KDM3A: variants seen among roughly 807,000 people sequenced by gnomAD.
KDM3A encodes the protein lysine-specific demethylase 3A.
KDM3A carries 60 observed loss-of-function variants against 158.0 expected under a neutral mutation model. The ratio of observed to expected loss-of-function variants is 0.38; its 90% CI spans 0.31 to 0.47. The LOEUF (loss-of-function observed/expected upper bound fraction) is 0.47, where lower values mean the gene tolerates loss of function less well. KDM3A is among the 20% of genes least tolerant of loss of function. The pLI, the probability that KDM3A is intolerant of heterozygous loss-of-function variation, is 0.99. For missense variants in KDM3A, 1,319 were observed against 1,574.3 expected (o/e 0.84, Z 2.74); for synonymous variants, 608 against 549.3 (o/e 1.11, Z -1.49).
intron 8 of KDM3A, among the ~76,000 whole-genome samples, chr2:86,457,536 AT>A (rs1672758534): frequency 1.3e-5 from 2 of 152,184 alleles, no homozygotes; most frequent in African/African-American, 4.8e-5. Context: ...TGGAGATAAT[AT>A]AAGTTTATGG....
At chr2:86,445,611 C>T (rs1682926665) in intron 2 of KDM3A, among the ~76,000 whole-genome samples, 1 of 152,136 alleles carries the variant, frequency 6.6e-6, no homozygotes, top group Non-Finnish European at 1.5e-5. Flanking sequence ...GGCAATTAGT[C>T]CTTGCCATCT....
intron 18 of KDM3A, chr2:86,483,769 C>T (rs1282029201): frequency 7.2e-6 from 3 of 417,780 alleles, no homozygotes; most frequent in East Asian, 8.3e-5. Context: ...AGATGCTTAC[C>T]CATGTAGTTT....
intron 18 of KDM3A, chr2:86,483,116 G>A (rs772751783): frequency 9.7e-5 from 17 of 174,428 alleles, no homozygotes; most frequent in Non-Finnish European, 1.6e-4. Flanking sequence ...CTAGGGCCGC[G>A]TGGTGTCACA....
rs529789809 is a variant in KDM3A, at chr2:86,461,539, A to G, written c.844-2514A>G. On this transcript the variant is annotated intron_variant, in intron 8 of 25. Coordinates refer to ENST00000312912, the MANE Select transcript of KDM3A (RefSeq NM_018433.6). ...TTTATGAGGTTATAACAGTGGGCGC[A>G]ACAGCAGGGCCTCTGCCCATAAACA... Among the ~76,000 whole-genome samples, 22 of 152,352 alleles carry G rather than the reference A, an allele frequency of 1.4e-4. No homozygotes were observed. The South Asian group carries it at 4.6e-3, about 32-fold the overall frequency.
chr2:86,466,695 C>A lies in KDM3A; in HGVS notation c.1331C>A (p.Pro444His). The A allele has an allele frequency of 6.2e-7, 1 of 1,613,936 alleles. No individual in the cohort carries two copies. Among genetic ancestry groups the A allele is most frequent in the Non-Finnish European group, 8.5e-7 (1 of 1,179,876 alleles). The change falls in exon 10 of 26, where the codon CCT becomes CAT. Residue 444 changes from proline (P) to histidine (H), a missense_variant. Pro to His is a moderately conservative substitution (Grantham distance 77). Coordinates refer to ENST00000312912, the MANE Select transcript of KDM3A (RefSeq NM_018433.6). Reference sequence around the variant, plus strand: ...CTGCAGAAGCACCTAGAACATGCACCTTCCCCATCGGATGTTTCAAATGCA... The same window carrying A: ...CTGCAGAAGCACCTAGAACATGCACATTCCCCATCGGATGTTTCAAATGCA... Reference protein sequence around the residue: ...PELQKHLEHAPSPSDVSNAPE... With the variant: ...PELQKHLEHAHSPSDVSNAPE...
At chr2:86,442,341 C>T in intron 2 of KDM3A, 108 bp downstream of exon 2, 1 of 1,050,696 alleles carries the variant, frequency 9.5e-7, no homozygotes, top group Non-Finnish European at 1.4e-6. Flanking sequence ...AGAAAGTTGG[C>T]ATATGATCTG....
At chr2:86,485,652 A>G (rs1674143305) in intron 20 of KDM3A, 77 bp from the exon 21 acceptor site, 1 of 1,549,728 alleles carries the variant, frequency 6.5e-7, no homozygotes, top group African/African-American at 1.4e-5. Flanking sequence ...TTTGGTGTAG[A>G]AGGAACAAAA....
chr2:86,473,672 T>C (rs541205514), intron 11 of KDM3A, among the ~76,000 whole-genome samples: 17 of 152,202 alleles, frequency 1.1e-4, no homozygotes, highest in African/African-American at 4.1e-4. Flanking sequence ...ATTGCTGAAG[T>C]CTGGGAGTGG....
At chr2:86,453,177 G>C (rs536338665) in intron 4 of KDM3A, among the ~76,000 whole-genome samples, 1 of 152,268 alleles carries the variant, frequency 6.6e-6, no homozygotes, top group African/African-American at 2.4e-5. Context: ...GGGAAGAGGG[G>C]CTGTGGGGCT....
At chr2:86,475,053 A>C in intron 12 of KDM3A, 63 bp downstream of exon 12, 1 of 1,294,190 alleles carries the variant, frequency 7.7e-7, no homozygotes, top group South Asian at 1.3e-5. Flanking sequence ...CCTAAGTGAC[A>C]CCTAAGTCCT....
chr2:86,478,560 A>C, intron 14 of KDM3A, 48 bp from the exon 15 acceptor site: 1 of 1,601,920 alleles, frequency 6.2e-7, no homozygotes, highest in South Asian at 1.1e-5. Context: ...TTGAGGTTGA[A>C]AGTTCCTAAT....
chr2:86,453,318 A>G (rs553345459), intron 4 of KDM3A, among the ~76,000 whole-genome samples: 12 of 152,198 alleles, frequency 7.9e-5, no homozygotes, highest in Non-Finnish European at 1.3e-4. Context: ...TCTTGTAGAT[A>G]TGGGTGTTCA....
chr2:86,487,166 G>GGT (rs1254232857), intron 21 of KDM3A: 1 of 152,210 alleles, frequency 6.6e-6, no homozygotes. Context: ...AAGCTTTAAA[G>GGT]GTGGGTATCT....
chr2:86,458,491 T>TA (rs1242260175), intron 8 of KDM3A, among the ~76,000 whole-genome samples: 3 of 152,226 alleles, frequency 2.0e-5, no homozygotes, highest in East Asian at 1.9e-4. Flanking sequence ...AAACCATAGT[T>TA]ACTGTATTAA....
At chr2:86,451,037 C>A in intron 3 of KDM3A, 66 bp from the exon 4 acceptor site, 1 of 1,060,086 alleles carries the variant, frequency 9.4e-7, no homozygotes, top group African/African-American at 1.6e-5. Context: ...TGGAAAATTG[C>A]CAGTTCCTAT....
In KDM3A at chr2:86,475,006, A is replaced by C; in HGVS notation, c.1939+16A>C. Reference sequence around the variant, plus strand: ...GAGCCACACAGTAAGAGCATCTCTTAGGGGGTAGGATTTTCGAGCCCAATT... The same window carrying C: ...GAGCCACACAGTAAGAGCATCTCTTCGGGGGTAGGATTTTCGAGCCCAATT... On this transcript the variant is annotated intron_variant, in intron 12 of 25. Coordinates refer to ENST00000312912, the MANE Select transcript of KDM3A (RefSeq NM_018433.6). 1.3e-6 allele frequency: 2 copies of C among 1,599,790 alleles called. No individual in the cohort carries two copies. Among genetic ancestry groups the C allele is most frequent in the Non-Finnish European group, 1.7e-6 (2 of 1,168,888 alleles).
upstream of KDM3A, among the ~76,000 whole-genome samples, chr2:86,438,284 AAATT>A (rs1450875783): frequency 1.3e-5 from 2 of 152,112 alleles, no homozygotes; most frequent in Non-Finnish European, 2.9e-5. Context: ...TGAGAGTTAA[AAATT>A]AAATTTTAAA....
At chr2:86,471,959 A>G (rs971729202) in intron 11 of KDM3A, among the ~76,000 whole-genome samples, 7 of 152,172 alleles carry the variant, frequency 4.6e-5, no homozygotes, top group Non-Finnish European at 8.8e-5. Flanking sequence ...ATTCATTTGT[A>G]TGTGTATGAA....
Position 86,478,017 on chromosome 2 carries a change from A to C in KDM3A, c.2080A>C (p.Asn694His). 6.2e-7 allele frequency: 1 copy of C among 1,614,122 alleles called. No individual in the cohort carries two copies. Among genetic ancestry groups the C allele is most frequent in the Non-Finnish European group, 8.5e-7 (1 of 1,180,002 alleles). The change falls in exon 13 of 26, where the codon AAT becomes CAT. Residue 694 changes from asparagine (N) to histidine (H), a missense_variant. Around this residue, in one of 4 missense-constraint regions of KDM3A, gnomAD observed 368 missense variants for 415.8 expected, o/e 0.89. Transcript: ENST00000312912. ...CVDCYRMKRKNCQQGAAYKTF... is the reference protein window; with the variant it reads ...CVDCYRMKRKHCQQGAAYKTF... ...GGACTGCTACCGGATGAAGAGAAAG[A>C]ATTGCCAACAGGGTGAGAACCGATT...
Sources: allele counts gnomAD v4.1 joint callset (sites outside exome capture counted in the v4.1 genomes callset), GRCh38; gene constraint gnomAD v4.1.1; regional missense constraint gnomAD v4.1.1; transcripts MANE v1.5; gene names NCBI Gene and HGNC (gene_info 2026-07-23, HGNC 2026-07-21).